The following KIRREL3 variants were observed in gnomAD, a reference collection of about 807,000 sequenced individuals.
The protein encoded by KIRREL3 is kirre like nephrin family adhesion molecule 3.
KIRREL3 carries 36 observed loss-of-function variants against 89.7 expected under a neutral mutation model. That is an observed-to-expected ratio of 0.40 (90% CI 0.31 to 0.53). The LOEUF is 0.53. Among genes scored for constraint, KIRREL3 ranks in the 20% least tolerant of loss-of-function variants. The pLI is 0.49. For missense variants in KIRREL3, 864 were observed against 1,056.6 expected, an observed-to-expected ratio of 0.82 and a Z score of 2.53; for synonymous variants, 445 against 441.4, an observed-to-expected ratio of 1.01 and a Z score of -0.10.
intron 2 of KIRREL3, among the ~76,000 whole-genome samples, chr11:126,547,395 C>T (rs1022362100): frequency 4.6e-5 from 7 of 152,220 alleles, no homozygotes; most frequent in South Asian, 4.1e-4. Flanking sequence ...TGTCTAATCA[C>T]GAAGGCTGCA....
In KIRREL3 at chr11:126,429,360, T is replaced by C. The variant is rs1955048252; in HGVS notation, c.1697-72A>G. 2 of 1,087,648 alleles carry C rather than the reference T, an allele frequency of 1.8e-6. No individual in the cohort carries two copies. The highest frequency in any genetic ancestry group is 2.8e-6 in the Non-Finnish European group (2 of 717,840). The allele number at this position is 1,087,648 out of a possible 1,614,324, so 67.4% of individuals were successfully genotyped here. On this transcript the variant is annotated intron_variant, in intron 14 of 16. Transcript: ENST00000525144. This position sits in a 1 kb window ranked among gnomAD's most constrained non-coding sequence, Gnocchi z 5.2. Reference sequence around the variant, plus strand: ...TTTGAGATGTCAAGCTCCCTTGCAGTCCCCTGCCCCTGCCCTGCCACCCTC... The same window carrying C: ...TTTGAGATGTCAAGCTCCCTTGCAGCCCCCTGCCCCTGCCCTGCCACCCTC...
chr11:126,522,476 T>C lies in KIRREL3; in HGVS notation c.284-1012A>G, dbSNP rs907361284. On this transcript the variant is annotated intron_variant, in intron 3 of 16. Transcript: ENST00000525144. The surrounding 1 kb of genome is among the most constrained non-coding windows in gnomAD (Gnocchi z 6.0). The stretch of plus-strand genomic sequence containing the variant: ...CTCCTGTCCCGCCAGAAGCCCCAGG[T>C]CCTGGTGACGCACTTATGAAGTGCT... Among the ~76,000 whole-genome samples, 1 of 152,094 alleles carries C rather than the reference T, an allele frequency of 6.6e-6. No individual in the cohort carries two copies. Among genetic ancestry groups the C allele is most frequent in the African/African-American group, 2.4e-5 (1 of 41,410 alleles).
At position 126,879,094 on chromosome 11, in the gene KIRREL3, C is replaced by T. The variant is rs1457747963; in HGVS notation, c.55+121361G>A. Among the ~76,000 whole-genome samples the T allele has an allele frequency of 2.0e-5, 3 of 152,188 alleles. No homozygotes were observed. The highest frequency in any genetic ancestry group is 4.4e-5 in the Non-Finnish European group (3 of 68,044). ...GCAGGCCAACCGGCAATTACAATGG[C>T]ATCTTTCTTCCCATCACTGACAGCA... is the stretch of plus-strand genomic sequence containing the variant. On this transcript the variant is annotated intron_variant, in intron 1 of 16. Transcript: ENST00000525144. The surrounding 1 kb of genome is among the most constrained non-coding windows in gnomAD (Gnocchi z 5.4).
chr11:126,826,652 A>T, intron 1 of KIRREL3, among the ~76,000 whole-genome samples: 1 of 152,030 alleles, frequency 6.6e-6, no homozygotes, highest in East Asian at 1.9e-4. Flanking sequence ...GGGAGGTATG[A>T]CTCCACACAG....
chr11:126,551,227 G>A lies in KIRREL3; in HGVS notation c.133+11608C>T, dbSNP rs543587268. Reference sequence around the variant, plus strand: ...GAAGCTCCCGAAACTCAGTCCTTTTGGGTTTTCATGGAAGCATTCCTTCCC... The same window carrying A: ...GAAGCTCCCGAAACTCAGTCCTTTTAGGTTTTCATGGAAGCATTCCTTCCC... On this transcript the variant is annotated intron_variant, in intron 2 of 16. Transcript: ENST00000525144. This position sits in a 1 kb window ranked among gnomAD's most constrained non-coding sequence, Gnocchi z 4.9. Among the ~76,000 whole-genome samples the A allele has an allele frequency of 5.1e-4, 77 of 152,252 alleles. No individual in the cohort carries two copies. Among genetic ancestry groups the A allele is most frequent in the Middle Eastern group, 6.8e-3 (2 of 294 alleles).
At chr11:126,712,228 C>T (rs937367908) in intron 1 of KIRREL3, among the ~76,000 whole-genome samples, 2 of 151,144 alleles carry the variant, frequency 1.3e-5, no homozygotes, top group Admixed American at 6.6e-5. Context: ...AGCTGGCTGC[C>T]GGGCCCGAAG....
chr11:126,903,637 C>T lies in KIRREL3; in HGVS notation c.55+96818G>A, dbSNP rs1452479569. The stretch of plus-strand genomic sequence containing the variant: ...AAAGCTGTAGCCTCTTTGCTGAGCT[C>T]CTGGAGACATTTGGTCTATTGGATT... On this transcript the variant is annotated intron_variant, in intron 1 of 16. Transcript: ENST00000525144. This position sits in a 1 kb window ranked among gnomAD's most constrained non-coding sequence, Gnocchi z 4.5. Among the ~76,000 whole-genome samples, 1 of 152,182 alleles carries T rather than the reference C, an allele frequency of 6.6e-6. No individual in the cohort carries two copies. Among genetic ancestry groups the T allele is most frequent in the African/African-American group, 2.4e-5 (1 of 41,438 alleles).
rs947980767 is a variant in KIRREL3 at position 126,496,533 on chromosome 11, T to C, written c.434-23067A>G. ...CCTTCACAAATGAGAACCCAAGGTGTTGGCCAAGTTTGGAGGGAGGGGTGG... is the reference window on the plus strand; with the variant it reads ...CCTTCACAAATGAGAACCCAAGGTGCTGGCCAAGTTTGGAGGGAGGGGTGG... On this transcript the variant is annotated intron_variant, in intron 4 of 16. Transcript: ENST00000525144. The surrounding 1 kb of genome is among the most constrained non-coding windows in gnomAD (Gnocchi z 4.9). 1.3e-5 allele frequency among the ~76,000 whole-genome samples: 2 copies of C among 151,846 alleles called. No homozygotes were observed. The highest frequency in any genetic ancestry group is 2.4e-5 in the African/African-American group (1 of 41,316).
chr11:126,787,422 A>C (rs1470320905), intron 1 of KIRREL3, among the ~76,000 whole-genome samples: 1 of 152,208 alleles, frequency 6.6e-6, no homozygotes, highest in Non-Finnish European at 1.5e-5. Flanking sequence ...CCCCACCCAA[A>C]TCAATATAAA....
At chr11:126,726,067 G>T (rs1322673099) in intron 1 of KIRREL3, among the ~76,000 whole-genome samples, 1 of 152,152 alleles carries the variant, frequency 6.6e-6, no homozygotes, top group Non-Finnish European at 1.5e-5. Flanking sequence ...GGGCCCTGGA[G>T]AACGCCCTTC....
intron 10 of KIRREL3, among the ~76,000 whole-genome samples, chr11:126,444,203 T>A (rs1026241636): frequency 6.6e-6 from 1 of 152,164 alleles, no homozygotes; most frequent in African/African-American, 2.4e-5. Flanking sequence ...TTTTATTATA[T>A]ATAATAAGAC....
At chr11:126,549,516 A>G (rs1269561935) in intron 2 of KIRREL3, 9 of 152,220 alleles carry the variant, frequency 5.9e-5, no homozygotes, top group Non-Finnish European at 1.0e-4. Flanking sequence ...GCACGGCTCT[A>G]AAAACTTTAT....
chr11:126,649,553 T>C (rs1156296060), intron 1 of KIRREL3, among the ~76,000 whole-genome samples: 1 of 152,142 alleles, frequency 6.6e-6, no homozygotes, highest in Non-Finnish European at 1.5e-5. Context: ...TGAAATCCAG[T>C]GGGGCAAATT....
intron 1 of KIRREL3, among the ~76,000 whole-genome samples, chr11:126,801,264 T>G (rs561558995): frequency 6.6e-6 from 1 of 152,330 alleles, no homozygotes; most frequent in Admixed American, 6.5e-5. Context: ...TGACAATTTT[T>G]GGGTCTTTGG....
At position 126,473,271 on chromosome 11, in the gene KIRREL3, A is replaced by G. The variant is rs1376950973; in HGVS notation, c.591+38T>C. 3 of 834,154 alleles carry G rather than the reference A, an allele frequency of 3.6e-6. No homozygotes were observed. In the South Asian group the frequency reaches 7.0e-5, roughly 19 times the overall value. The allele number at this position is 834,154 out of a possible 1,614,324, so 51.7% of individuals were successfully genotyped here. A position where few individuals can be genotyped will look rare whatever the true frequency, so the allele number is the denominator to read the frequency against. On this transcript the variant is annotated intron_variant, in intron 5 of 16. Coordinates refer to ENST00000525144, the MANE Select transcript of KIRREL3 (RefSeq NM_032531.4). ...CCCCCTCCCCACCCACTCCCCTTGA[A>G]GCCCGTCCACACCCACCCCCTCCCC...
At chr11:126,448,279 C>CAAAAAAAAAAAAAAAAAAAAA (rs55787866) in intron 8 of KIRREL3, among the ~76,000 whole-genome samples, 1 of 95,382 alleles carries the variant, frequency 1.0e-5, no homozygotes, top group African/African-American at 4.1e-5. Context: ...GAGACTGTCT[C>CAAAAAAAAAAAAAAAAAAAAA]AAAAAAAAAA....
Position 126,468,489 on chromosome 11 carries a change from G to A in KIRREL3, c.591+4820C>T, listed in dbSNP as rs184839089. Among the ~76,000 whole-genome samples the A allele has an allele frequency of 4.3e-4, 66 of 152,358 alleles. No homozygotes were observed. In the East Asian group the frequency reaches 0.011, roughly 24 times the overall value. On this transcript the variant is annotated intron_variant, in intron 5 of 16. Coordinates refer to ENST00000525144, the MANE Select transcript of KIRREL3 (RefSeq NM_032531.4). ...GAAGCATGGCCAGCCTGTGCTGGGG[G>A]AGGGACTGGGTGCTTCCTCTCCTGC...
At chr11:126,711,160 C>G (rs1017732473) in intron 1 of KIRREL3, among the ~76,000 whole-genome samples, 4 of 152,248 alleles carry the variant, frequency 2.6e-5, no homozygotes, top group Admixed American at 6.5e-5. Flanking sequence ...AGAAAAATCT[C>G]TGCTCCATCT....
At chr11:126,592,525 T>A (rs188026195) in intron 1 of KIRREL3, among the ~76,000 whole-genome samples, 3 of 152,254 alleles carry the variant, frequency 2.0e-5, no homozygotes, top group African/African-American at 7.2e-5. Flanking sequence ...CCAAGAAGAT[T>A]GGGGTCTAAA....
Sources: gnomAD v4.1 joint callset for allele counts (sites outside exome capture counted in the v4.1 genomes callset) on GRCh38, gnomAD v4.1.1 for gene constraint, Gnocchi (gnomAD v3.1) non-coding constraint, MANE v1.5 for transcripts, NCBI Gene and HGNC (gene_info 2026-07-23, HGNC 2026-07-21) for gene names.